The following FAM221B variants were observed in gnomAD, a reference collection of about 807,000 sequenced individuals.
FAM221B encodes protein FAM221B.
Under a neutral mutation model 39.8 loss-of-function variants are expected in FAM221B, and 35 were observed. That is an observed-to-expected ratio of 0.88 (90% CI 0.67 to 1.17). The LOEUF (loss-of-function observed/expected upper bound fraction) is 1.17. Among genes scored for constraint, FAM221B ranks in the 50% most tolerant of loss-of-function variants. The pLI is 0.00. For synonymous variants in FAM221B, 158 were observed against 178.1 expected, an observed-to-expected ratio of 0.89 and a Z score of 0.90; for missense variants, 479 against 503.1, an observed-to-expected ratio of 0.95 and a Z score of 0.46.
intron 3 of FAM221B, among the ~76,000 whole-genome samples, chr9:35,823,425 A>G (rs1829195849): frequency 1.3e-5 from 2 of 152,250 alleles, no homozygotes; most frequent in Non-Finnish European, 2.9e-5. Context: ...AACAAAGGTT[A>G]CACTTGATAT....
intron 3 of FAM221B, among the ~76,000 whole-genome samples, chr9:35,822,365 G>A (rs1365079861): frequency 1.3e-5 from 2 of 152,114 alleles, no homozygotes; most frequent in African/African-American, 4.8e-5. Context: ...CCAATGGTCA[G>A]TTTCACTTTG....
intron 3 of FAM221B, chr9:35,821,530 C>T (rs1829150904): frequency 1.5e-6 from 2 of 1,367,910 alleles, no homozygotes; most frequent in Non-Finnish European, 2.0e-6. Flanking sequence ...GCCAGTGCCC[C>T]CTTACACCAG....
At position 35,816,477 on chromosome 9, in the gene FAM221B, CT is replaced by C. The variant is rs1452749312; in HGVS notation, c.*1991del. 2 of 148,546 alleles carry C rather than the reference CT, an allele frequency of 1.3e-5. No individual in the cohort carries two copies. The highest frequency in any genetic ancestry group is 2.0e-4 in the East Asian group (1 of 5,072). 9.2% of individuals were successfully genotyped at this position (148,546 alleles called of 1,614,324 possible). A position where few individuals can be genotyped will look rare whatever the true frequency, so the allele number is the denominator to read the frequency against. On this transcript the variant is annotated 3_prime_UTR_variant, in exon 7 of 7. Transcript: ENST00000423537. ...ATGAATAACATTTGGTGTTTCCTGTCTTTTTTTCATAATATGTAATATGTAT... is the reference window on the plus strand; with the variant it reads ...ATGAATAACATTTGGTGTTTCCTGTCTTTTTTCATAATATGTAATATGTAT...
rs764461401 is a variant in FAM221B at position 35,825,748 on chromosome 9, T to C, written c.414A>G (p.Pro138=). ...LSSESSSNEV[P]WTRRSTHLSE... ...AGAGATGGGTAGACCTCCTTGTCCATGGGACCTCATTGGAAGAAGACTCAG... is the reference window on the plus strand; with the variant it reads ...AGAGATGGGTAGACCTCCTTGTCCACGGGACCTCATTGGAAGAAGACTCAG... Residue 138 remains proline, a synonymous_variant, in exon 2 of 7, where the codon CCA becomes CCG. Coordinates refer to ENST00000423537, the MANE Select transcript of FAM221B (RefSeq NM_001012446.4). The surrounding 1 kb of genome is among the most constrained non-coding windows in gnomAD (Gnocchi z 4.2). The C allele has an allele frequency of 1.2e-6, 2 of 1,614,220 alleles. No individual in the cohort carries two copies. Among genetic ancestry groups the C allele is most frequent in the Admixed American group, 3.3e-5 (2 of 60,030 alleles).
intron 3 of FAM221B, chr9:35,821,378 G>C: frequency 7.9e-7 from 1 of 1,258,850 alleles, no homozygotes; most frequent in East Asian, 4.7e-5. Context: ...TCTGGTCTTT[G>C]ACTGTGGTCA....
Position 35,828,499 on chromosome 9 carries a change from G to A in FAM221B, c.-37C>T, listed in dbSNP as rs1829528570. 6.1e-6 allele frequency: 6 copies of A among 985,440 alleles called. No homozygotes were observed. Among genetic ancestry groups the A allele is most frequent in the Non-Finnish European group, 7.2e-6 (6 of 829,964 alleles). The allele number at this position is 985,440 out of a possible 1,614,324, so 61.0% of individuals were successfully genotyped here. On this transcript the variant is annotated 5_prime_UTR_variant, in exon 1 of 7. Coordinates refer to ENST00000423537, the MANE Select transcript of FAM221B (RefSeq NM_001012446.4). This position sits in a 1 kb window ranked among gnomAD's most constrained non-coding sequence, Gnocchi z 4.5. ...TGGCTTGGTTGTTACAAGTCCTTAGGTCAAGACCTTGACTTAGGATGGCAG... is the reference window on the plus strand; with the variant it reads ...TGGCTTGGTTGTTACAAGTCCTTAGATCAAGACCTTGACTTAGGATGGCAG...
chr9:35,819,185 C>G lies in FAM221B; in HGVS notation c.1051+12G>C. On this transcript the variant is annotated intron_variant, in intron 5 of 6. Transcript: ENST00000423537. ...ACCCTGCTCCCAATACACCTCTTGC[C>G]CTAGAAGTTACCATGATGCCTGCAG... 6.5e-7 allele frequency: 1 copy of G among 1,550,082 alleles called. No individual in the cohort carries two copies. The highest frequency in any genetic ancestry group is 8.7e-7 in the Non-Finnish European group (1 of 1,146,094).
At position 35,819,768 on chromosome 9, in the gene FAM221B, G is replaced by T. The variant is rs1272059781; in HGVS notation, c.853+122C>A. 19 of 684,308 alleles carry T rather than the reference G, an allele frequency of 2.8e-5. No individual in the cohort carries two copies. The East Asian group carries it at 4.9e-4, about 18-fold the overall frequency. The allele number at this position is 684,308 out of a possible 1,614,324, so 42.4% of individuals were successfully genotyped here. On this transcript the variant is annotated intron_variant, in intron 4 of 6. Transcript: ENST00000423537. The stretch of plus-strand genomic sequence containing the variant: ...GATCCACCCGCCTCCGCCTCCCAAA[G>T]TGCTGGGATTACAGGGGTGAGCCAC...
chr9:35,826,186 T>G, intron 1 of FAM221B, 25 bp from the exon 2 acceptor site: 1 of 1,529,080 alleles, frequency 6.5e-7, no homozygotes, highest in Non-Finnish European at 8.8e-7. Context: ...GGGTACAGGC[T>G]TCATTAGGTT....
chr9:35,818,336 G>C lies in FAM221B; in HGVS notation c.*133C>G. 1.2e-6 allele frequency: 1 copy of C among 824,512 alleles called. No homozygotes were observed. Among genetic ancestry groups the C allele is most frequent in the Admixed American group, 2.1e-5 (1 of 47,618 alleles). 51.1% of individuals were successfully genotyped at this position (824,512 alleles called of 1,614,324 possible). On this transcript the variant is annotated 3_prime_UTR_variant, in exon 7 of 7. Coordinates refer to ENST00000423537, the MANE Select transcript of FAM221B (RefSeq NM_001012446.4). ...GATGGAGGCAGATGGCCAGATCCAG[G>C]CTTTCTCCTGTGTCTAATAGGTGTC...
chr9:35,825,134 G>T lies in FAM221B; in HGVS notation c.742+96C>A, dbSNP rs962647328. The T allele has an allele frequency of 9.7e-6, 14 of 1,438,758 alleles. No individual in the cohort carries two copies. Among genetic ancestry groups the T allele is most frequent in the African/African-American group, 1.4e-5 (1 of 71,064 alleles). The allele number at this position is 1,438,758 out of a possible 1,614,324, so 89.1% of individuals were successfully genotyped here. A position where few individuals can be genotyped will look rare whatever the true frequency, so the allele number is the denominator to read the frequency against. On this transcript the variant is annotated intron_variant, in intron 3 of 6. Transcript: ENST00000423537. This position sits in a 1 kb window ranked among gnomAD's most constrained non-coding sequence, Gnocchi z 4.2. The stretch of plus-strand genomic sequence containing the variant: ...AGGTGGTATAGCCATTTCCAAAAGG[G>T]GAAGCTATCTGCTGAATGTTCAGGT...
intron 3 of FAM221B, among the ~76,000 whole-genome samples, chr9:35,824,565 G>T (rs1459044091): frequency 6.6e-6 from 1 of 152,152 alleles, no homozygotes; most frequent in Non-Finnish European, 1.5e-5. Flanking sequence ...AGAACAGCAA[G>T]TCTCCTGGGG....
chr9:35,820,107 C>A, intron 3 of FAM221B, 107 bp from the exon 4 acceptor site: 1 of 672,822 alleles, frequency 1.5e-6, no homozygotes, highest in East Asian at 2.7e-5. Context: ...ACTTACCTCT[C>A]CCCACCCCCA....
intron 3 of FAM221B, among the ~76,000 whole-genome samples, chr9:35,822,554 T>TCCG (rs1048102418): frequency 2.6e-5 from 4 of 152,072 alleles, no homozygotes; most frequent in African/African-American, 9.7e-5. Context: ...ATTACAGGTG[T>TCCG]CCGCCACCAC....
chr9:35,824,903 G>A lies in FAM221B; in HGVS notation c.742+327C>T, dbSNP rs181821914. On this transcript the variant is annotated intron_variant, in intron 3 of 6. Coordinates refer to ENST00000423537, the MANE Select transcript of FAM221B (RefSeq NM_001012446.4). The stretch of plus-strand genomic sequence containing the variant: ...TCATCGTGTTACCCAGGACAGTCTC[G>A]ATCTCCTGACCTCGTGATCCGCCCA... Among the ~76,000 whole-genome samples, 168 of 152,174 alleles carry A rather than the reference G, an allele frequency of 1.1e-3. No homozygotes were observed. In the Middle Eastern group the frequency reaches 0.014, roughly 12 times the overall value.
At chr9:35,821,647 T>C in intron 3 of FAM221B, 1 of 1,364,050 alleles carries the variant, frequency 7.3e-7, no homozygotes, top group Non-Finnish European at 9.8e-7. Flanking sequence ...GCAGGATACA[T>C]TAAAAAAGCA....
Position 35,819,378 on chromosome 9 carries a change from G to T in FAM221B, c.870C>A (p.Cys290Ter), listed in dbSNP as rs1166017113. ...HRIISDISVP[C>*]KVSQCRCFMF... ...TGAAGCAGCGGCACTGGCTTACCTT[G>T]CAGGGCACCGATATGTCTGTGGGAT... is the stretch of plus-strand genomic sequence containing the variant. Residue 290 changes from cysteine to a stop codon, truncating the protein, a stop_gained, in exon 5 of 7, where the codon TGC (cysteine) becomes TGA (stop). Transcript: ENST00000423537. LOFTEE classifies it high-confidence loss of function. The T allele has an allele frequency of 1.3e-6, 2 of 1,551,680 alleles. No homozygotes were observed. Among genetic ancestry groups the T allele is most frequent in the East Asian group, 2.4e-5 (1 of 40,926 alleles).
intron 3 of FAM221B, among the ~76,000 whole-genome samples, chr9:35,823,462 T>C (rs1440195848): frequency 2.0e-5 from 3 of 152,248 alleles, no homozygotes; most frequent in Non-Finnish European, 2.9e-5. Flanking sequence ...TATACTGTTA[T>C]GGACTACCCA....
In FAM221B at chr9:35,818,204, C is replaced by T. The variant is rs1829057182; in HGVS notation, c.*265G>A. On this transcript the variant is annotated 3_prime_UTR_variant, in exon 7 of 7. Transcript: ENST00000423537. ...TTTTCAGTCTTTATCTTATTGGTGC[C>T]CCAACTGCATCTAACATCACTTCCC... 3.9e-6 allele frequency: 2 copies of T among 513,128 alleles called. No individual in the cohort carries two copies. Among genetic ancestry groups the T allele is most frequent in the Non-Finnish European group, 7.1e-6 (2 of 283,410 alleles). The allele number at this position is 513,128 out of a possible 1,614,324, so 31.8% of individuals were successfully genotyped here. A position where few individuals can be genotyped will look rare whatever the true frequency, so the allele number is the denominator to read the frequency against.
Sources: allele counts gnomAD v4.1 joint callset (sites outside exome capture counted in the v4.1 genomes callset), GRCh38; gene constraint gnomAD v4.1.1; non-coding constraint Gnocchi (gnomAD v3.1); transcripts MANE v1.5; gene names NCBI Gene and HGNC (gene_info 2026-07-23, HGNC 2026-07-21).